NRG3: variants seen among roughly 807,000 people sequenced by gnomAD.
The protein encoded by NRG3 is neuregulin 3.
Under a neutral mutation model 66.9 loss-of-function variants are expected in NRG3, and 31 were observed. That is an observed-to-expected ratio of 0.46 (90% CI 0.35 to 0.63). The LOEUF (loss-of-function observed/expected upper bound fraction) is 0.63. Ranked by LOEUF, NRG3 falls within the 20% of genes least tolerant of loss-of-function variation. The pLI is 0.00. For synonymous variants in NRG3, 393 were observed against 359.4 expected (o/e 1.09, Z -1.06); for missense variants, 910 against 878.9 (o/e 1.04, Z -0.45).
intron 2 of NRG3, among the ~76,000 whole-genome samples, chr10:82,383,435 A>C (rs1202618293): frequency 1.3e-5 from 2 of 150,808 alleles, no homozygotes; most frequent in Non-Finnish European, 3.0e-5. Flanking sequence ...TTTAAAAAAA[A>C]CACATTTTCT....
intron 1 of NRG3, among the ~76,000 whole-genome samples, chr10:82,112,564 A>C (rs2132258608): frequency 6.6e-6 from 1 of 152,292 alleles, no homozygotes; most frequent in South Asian, 2.1e-4. Flanking sequence ...GTATTTTCTT[A>C]AACAGTTTAT....
At chr10:82,674,709 G>A (rs2053541443) in intron 2 of NRG3, among the ~76,000 whole-genome samples, 1 of 152,012 alleles carries the variant, frequency 6.6e-6, no homozygotes, top group Non-Finnish European at 1.5e-5. Context: ...ATGTTGTGCT[G>A]GATGCGAAGT....
At chr10:82,973,452 T>C (rs887122610) in intron 6 of NRG3, among the ~76,000 whole-genome samples, 2 of 152,224 alleles carry the variant, frequency 1.3e-5, no homozygotes, top group Non-Finnish European at 2.9e-5. Context: ...TTTGGTAAGA[T>C]GTACATCAAC....
chr10:82,031,257 C>T (rs1273600037), intron 1 of NRG3, among the ~76,000 whole-genome samples: 2 of 152,100 alleles, frequency 1.3e-5, no homozygotes, highest in Non-Finnish European at 2.9e-5. Context: ...CACTGTTATT[C>T]CCACGAACCT....
intron 1 of NRG3, among the ~76,000 whole-genome samples, chr10:82,151,378 A>G (rs902622367): frequency 1.3e-5 from 2 of 152,220 alleles, no homozygotes; most frequent in Non-Finnish European, 2.9e-5. Flanking sequence ...CTGTTTTCTA[A>G]TCATTGAAAT....
In NRG3 at chr10:82,979,047, G is replaced by A. The variant is rs745913146; in HGVS notation, c.1510G>A (p.Gly504Arg). The stretch of plus-strand genomic sequence containing the variant: ...CCCGTCACCCCGAAGTAGGCTAGGT[G>A]GAATTGTGGGACCAGCATATCAGCA... Reference protein sequence around the residue: ...TPPSPRSRLGGIVGPAYQQLE... With the variant: ...TPPSPRSRLGRIVGPAYQQLE... The change falls in exon 8 of 9, where the codon GGA (glycine) becomes AGA (arginine). Residue 504 changes from glycine to arginine, a missense_variant. Physicochemically the swap from Gly to Arg is moderately radical, Grantham distance 125 (BLOSUM62 -2). Transcript: ENST00000372141. 1.2e-6 allele frequency: 2 copies of A among 1,614,104 alleles called. No individual in the cohort carries two copies. The highest frequency in any genetic ancestry group is 1.1e-5 in the South Asian group (1 of 91,074).
intron 4 of NRG3, among the ~76,000 whole-genome samples, chr10:82,918,152 A>G (rs932103207): frequency 6.6e-6 from 1 of 152,076 alleles, no homozygotes; most frequent in African/African-American, 2.4e-5. Context: ...AGATTTAAAA[A>G]TAAATGGCTG....
intron 1 of NRG3, among the ~76,000 whole-genome samples, chr10:81,980,228 T>C (rs1273549854): frequency 6.6e-6 from 1 of 152,060 alleles, no homozygotes; most frequent in African/African-American, 2.4e-5. Context: ...TGATCATGAA[T>C]TATTGAAGTT....
chr10:82,391,834 G>T (rs2086386545), intron 2 of NRG3, among the ~76,000 whole-genome samples: 1 of 151,688 alleles, frequency 6.6e-6, no homozygotes, highest in South Asian at 2.1e-4. Context: ...ACCCTTTCTA[G>T]GTACCTACAG....
intron 1 of NRG3, among the ~76,000 whole-genome samples, chr10:81,925,574 T>C (rs1280122291): frequency 6.6e-6 from 1 of 152,180 alleles, no homozygotes; most frequent in Non-Finnish European, 1.5e-5. Flanking sequence ...ATTATCCTGG[T>C]CTTTTTTAGG....
At position 81,959,530 on chromosome 10, in the gene NRG3, A is replaced by G. The variant is rs76002188; in HGVS notation, c.823+83367A>G. Among the ~76,000 whole-genome samples the G allele has an allele frequency of 7.0e-4, 107 of 152,094 alleles. No individual in the cohort carries two copies. The East Asian group carries it at 0.017, about 24-fold the overall frequency. ...CAATTTGTATCTTATTACAGATTGT[A>G]TATTAATTTATACTGCTCACTTCTC... is the stretch of plus-strand genomic sequence containing the variant. On this transcript the variant is annotated intron_variant, in intron 1 of 8. Coordinates refer to ENST00000372141, the MANE Select transcript of NRG3 (RefSeq NM_001010848.4).
At chr10:82,265,579 G>A (rs547196914) in intron 1 of NRG3, among the ~76,000 whole-genome samples, 2 of 152,290 alleles carry the variant, frequency 1.3e-5, no homozygotes, top group Admixed American at 6.5e-5. Flanking sequence ...ATAACGATGA[G>A]TTCTGAAGTA....
At chr10:82,285,375 A>G (rs940054420) in intron 1 of NRG3, among the ~76,000 whole-genome samples, 3 of 152,186 alleles carry the variant, frequency 2.0e-5, no homozygotes, top group Non-Finnish European at 4.4e-5. Flanking sequence ...TCTTGTTCAT[A>G]TGGTCTGTTT....
chr10:82,147,973 G>T (rs1238543285), intron 1 of NRG3, among the ~76,000 whole-genome samples: 1 of 152,172 alleles, frequency 6.6e-6, no homozygotes, highest in Non-Finnish European at 1.5e-5. Context: ...TTTAAAAGAA[G>T]TTTCATGAGG....
intron 4 of NRG3, among the ~76,000 whole-genome samples, chr10:82,945,684 A>G (rs1848953791): frequency 6.6e-6 from 1 of 151,986 alleles, no homozygotes; most frequent in Admixed American, 6.6e-5. Context: ...TAACTAGTTT[A>G]CTCTCATGAT....
intron 1 of NRG3, among the ~76,000 whole-genome samples, chr10:81,881,439 G>T (rs1842172296): frequency 6.6e-6 from 1 of 152,058 alleles, no homozygotes. Flanking sequence ...CCTGATGGAA[G>T]CTAATGGTCA....
At chr10:82,786,333 G>A (rs1469919256) in intron 3 of NRG3, among the ~76,000 whole-genome samples, 3 of 152,188 alleles carry the variant, frequency 2.0e-5, no homozygotes, top group Admixed American at 6.6e-5. Context: ...GTGCCCAGAT[G>A]TGAGACAAGA....
rs537214883 is a variant in NRG3 at position 81,907,205 on chromosome 10, AT to A, written c.823+31045del. Among the ~76,000 whole-genome samples the A allele has an allele frequency of 4.0e-3, 606 of 152,312 alleles. 4 individuals carry two copies. Among genetic ancestry groups the A allele is most frequent in the African/African-American group, 0.014 (575 of 41,556 alleles). ...AGGAGAAGAAAACCACCAACTAAAA[AT>A]TTAAACAAAACAAGTAATAGACTTG... is the stretch of plus-strand genomic sequence containing the variant. On this transcript the variant is annotated intron_variant, in intron 1 of 8. Transcript: ENST00000372141.
intron 2 of NRG3, among the ~76,000 whole-genome samples, chr10:82,611,617 C>T (rs939380296): frequency 9.9e-5 from 15 of 152,134 alleles, no homozygotes; most frequent in Admixed American, 3.3e-4. Context: ...TTTATGGCTG[C>T]GTAGTATTCC....
Sources: gnomAD v4.1 joint callset for allele counts (sites outside exome capture counted in the v4.1 genomes callset) on GRCh38, gnomAD v4.1.1 for gene constraint, MANE v1.5 for transcripts, NCBI Gene and HGNC (gene_info 2026-07-23, HGNC 2026-07-21) for gene names.